Variants in CNST observed in about 807,000 individuals in gnomAD.
The protein encoded by CNST is consortin, connexin sorting protein.
In CNST, 39 loss-of-function variants were observed where a neutral mutation model predicts 72.4. The ratio of observed to expected loss-of-function variants is 0.54; its 90% confidence interval spans 0.42 to 0.70. CNST has a LOEUF of 0.70. Among genes scored for constraint, CNST ranks in the 30% least tolerant of loss-of-function variants. CNST has a pLI of 0.00. For synonymous variants in CNST, 332 were observed against 320.1 expected, an observed-to-expected ratio of 1.04 and a Z score of -0.40; for missense variants, 871 against 868.5, an observed-to-expected ratio of 1.00 and a Z score of -0.04.
rs531173496 is a variant in CNST at position 246,622,821 on chromosome 1, T to A, written c.585+1187T>A. ...GCATCTTATTTTTTATTGTATTGTATTGTATTTATTTATTTATTTAGAGAC... is the reference window on the plus strand; with the variant it reads ...GCATCTTATTTTTTATTGTATTGTAATGTATTTATTTATTTATTTAGAGAC... On this transcript the variant is annotated intron_variant, in intron 3 of 10. Coordinates refer to ENST00000366513, the MANE Select transcript of CNST (RefSeq NM_152609.3). Among the ~76,000 whole-genome samples the A allele has an allele frequency of 1.5e-4, 23 of 152,066 alleles. No individual in the cohort carries two copies. The South Asian group carries it at 3.9e-3, about 26-fold the overall frequency.
rs1328893626 is a variant in CNST at position 246,660,476 on chromosome 1, AG to A, written c.1972+143del. 4.9e-6 allele frequency: 4 copies of A among 819,748 alleles called. No individual in the cohort carries two copies. The African/African-American group carries it at 6.9e-5, about 14-fold the overall frequency. The allele number at this position is 819,748 out of a possible 1,614,324, so 50.8% of individuals were successfully genotyped here. ...CACGGTGGCTCACACCTGTAATCCC[AG>A]CACTTTAGGAGGCTCAGGCGGGCAG... is the stretch of plus-strand genomic sequence containing the variant. On this transcript the variant is annotated intron_variant, in intron 10 of 10. Transcript: ENST00000366513.
intron 3 of CNST, among the ~76,000 whole-genome samples, chr1:246,626,424 G>A (rs1187140722): frequency 8.4e-6 from 1 of 118,834 alleles, no homozygotes; most frequent in Admixed American, 8.9e-5. Context: ...ACTTCCTGGT[G>A]TTTTCATCCA....
chr1:246,597,177 C>T (rs569459456), intron 2 of CNST, among the ~76,000 whole-genome samples: 1 of 152,346 alleles, frequency 6.6e-6, no homozygotes, highest in South Asian at 2.1e-4. Flanking sequence ...TACAGTTTCT[C>T]TCCATCTTCA....
intron 8 of CNST, among the ~76,000 whole-genome samples, chr1:246,644,382 T>C (rs1295785993): frequency 1.1e-5 from 1 of 92,752 alleles, no homozygotes; most frequent in Non-Finnish European, 2.1e-5. Context: ...AGCGAGACTC[T>C]GTCTCCAAAA....
chr1:246,583,559 C>G (rs955339252), intron 1 of CNST, among the ~76,000 whole-genome samples: 1 of 152,204 alleles, frequency 6.6e-6, no homozygotes, highest in Non-Finnish European at 1.5e-5. Context: ...TCATCTGTCT[C>G]TCTCTTGCCT....
At chr1:246,633,831 G>A in intron 4 of CNST, 93 bp from the exon 5 acceptor site, 2 of 757,464 alleles carry the variant, frequency 2.6e-6, no homozygotes, top group South Asian at 3.6e-5. Flanking sequence ...TTAGTAAGCT[G>A]CAAATTTCTC....
chr1:246,639,186 T>G (rs930929233), intron 6 of CNST, among the ~76,000 whole-genome samples: 1 of 151,892 alleles, frequency 6.6e-6, no homozygotes, highest in African/African-American at 2.4e-5. Context: ...TCCACGCCGT[T>G]CGTCGGGATA....
chr1:246,606,235 G>A (rs1208110131), intron 2 of CNST: 1 of 152,148 alleles, frequency 6.6e-6, no homozygotes, highest in East Asian at 1.9e-4. Flanking sequence ...GATACCACAG[G>A]GGAGAAACAG....
In CNST at chr1:246,647,153, C is replaced by T. The variant is rs764766511; in HGVS notation, c.952C>T (p.Leu318Phe). The T allele has an allele frequency of 1.2e-6, 2 of 1,610,036 alleles. No homozygotes were observed. Among genetic ancestry groups the T allele is most frequent in the African/African-American group, 1.3e-5 (1 of 74,658 alleles). Residue 318 changes from leucine (L) to phenylalanine (F), a missense_variant, in exon 9 of 11, where the codon CTC (leucine) becomes TTC (phenylalanine). By Grantham distance (22) the Leu-to-Phe change is conservative. Transcript: ENST00000366513. ...TTKESESKTCLGTESSKESQH... is the reference protein window; with the variant it reads ...TTKESESKTCFGTESSKESQH... Reference sequence around the variant, plus strand: ...TTCATCTTTAGAGAGTAAAACTTGTCTCGGCACAGAGTCAAGTAAAGAAAG... The same window carrying T: ...TTCATCTTTAGAGAGTAAAACTTGTTTCGGCACAGAGTCAAGTAAAGAAAG...
At chr1:246,595,084 T>C (rs1661790366) in intron 2 of CNST, among the ~76,000 whole-genome samples, 1 of 152,210 alleles carries the variant, frequency 6.6e-6, no homozygotes, top group East Asian at 1.9e-4. Flanking sequence ...AGGATACTCC[T>C]GTCTGCCCGG....
intron 8 of CNST, among the ~76,000 whole-genome samples, chr1:246,644,181 A>C (rs1665894650): frequency 6.6e-6 from 1 of 152,116 alleles, no homozygotes; most frequent in Non-Finnish European, 1.5e-5. Flanking sequence ...CGGGCGGTTC[A>C]CGAGGTCAGG....
chr1:246,594,241 C>T (rs1661732884), intron 2 of CNST, among the ~76,000 whole-genome samples: 1 of 152,040 alleles, frequency 6.6e-6, no homozygotes, highest in African/African-American at 2.4e-5. Context: ...TTTCAAACTC[C>T]TGGGTTCAAG....
chr1:246,663,270 T>C (rs141197432), intron 10 of CNST, among the ~76,000 whole-genome samples: 4,066 of 150,030 alleles, frequency 0.027, 195 homozygotes, highest in African/African-American at 0.095. Flanking sequence ...GATGGGAGGA[T>C]CGCTTGAGCC....
intron 9 of CNST, among the ~76,000 whole-genome samples, chr1:246,651,061 A>G (rs375765352): frequency 6.6e-6 from 1 of 152,130 alleles, no homozygotes; most frequent in East Asian, 1.9e-4. Flanking sequence ...ACAATGAGAA[A>G]TCAGATGATG....
intron 6 of CNST, among the ~76,000 whole-genome samples, chr1:246,635,366 CAGG>C (rs1558576778): frequency 6.6e-6 from 1 of 151,704 alleles, no homozygotes; most frequent in Non-Finnish European, 1.5e-5. Flanking sequence ...AGGGGAGAAA[CAGG>C]AGGACCCCAA....
At chr1:246,624,980 C>T (rs1664322487) in intron 3 of CNST, among the ~76,000 whole-genome samples, 2 of 152,104 alleles carry the variant, frequency 1.3e-5, no homozygotes, top group South Asian at 4.1e-4. Flanking sequence ...CTCTCGTGCA[C>T]ACACACGTAT....
chr1:246,665,976 C>G lies in CNST; in HGVS notation c.*71C>G. The G allele has an allele frequency of 8.6e-7, 1 of 1,156,346 alleles. No individual in the cohort carries two copies. The highest frequency in any genetic ancestry group is 1.4e-5 in the South Asian group (1 of 70,968). 71.6% of individuals were successfully genotyped at this position (1,156,346 alleles called of 1,614,324 possible). A position where few individuals can be genotyped will look rare whatever the true frequency, so the allele number is the denominator to read the frequency against. ...GAGACTTTCTAAACAGTTTTTCTTT[C>G]AGGAATTCTGTAGCATTCCCCCTTC... On this transcript the variant is annotated 3_prime_UTR_variant, in exon 11 of 11. Coordinates refer to ENST00000366513, the MANE Select transcript of CNST (RefSeq NM_152609.3).
rs1666162138 is a variant in CNST at position 246,647,356 on chromosome 1, T to C, written c.1155T>C (p.Ser385=). The C allele has an allele frequency of 6.2e-7, 1 of 1,614,074 alleles. No homozygotes were observed. Among genetic ancestry groups the C allele is most frequent in the African/African-American group, 1.3e-5 (1 of 75,024 alleles). The change falls in exon 9 of 11, where the codon TCT becomes TCC. Residue 385 remains serine (S), a synonymous_variant. Transcript: ENST00000366513. ...TQSSETAGSP[S]GPDSSEDACE... ...CCTCCGAGACAGCAGGGAGCCCGTC[T>C]GGGCCAGACTCTTCTGAGGATGCTT...
chr1:246,657,745 C>A (rs1376303149), intron 9 of CNST, among the ~76,000 whole-genome samples: 1 of 152,216 alleles, frequency 6.6e-6, no homozygotes, highest in Non-Finnish European at 1.5e-5. Flanking sequence ...CTCACAGCCG[C>A]TGCACTAGGA....
Sources: allele counts gnomAD v4.1 joint callset (sites outside exome capture counted in the v4.1 genomes callset), GRCh38; gene constraint gnomAD v4.1.1; transcripts MANE v1.5; gene names NCBI Gene and HGNC (gene_info 2026-07-23, HGNC 2026-07-21).